The following KCNH7 variants were observed in gnomAD, a reference collection of about 807,000 sequenced individuals.
KCNH7 encodes the protein voltage-gated inwardly rectifying potassium channel KCNH7.
A neutral mutation model predicts 120.8 loss-of-function variants in KCNH7; 49 were observed. The observed-to-expected ratio is 0.41, with a 90% CI of 0.32 to 0.51. The LOEUF is 0.51. Ranked by LOEUF, KCNH7 falls within the 20% of genes least tolerant of loss-of-function variation. The probability of loss-of-function intolerance (pLI) is 0.38; values close to 1 mark genes in which losing one functional copy is unlikely to be tolerated. For missense variants in KCNH7, 1,097 were observed against 1,446.6 expected (o/e 0.76, Z 3.92); for synonymous variants, 547 against 516.1 (o/e 1.06, Z -0.81).
intron 2 of KCNH7, among the ~76,000 whole-genome samples, chr2:162,725,231 A>C (rs1364545804): frequency 1.3e-5 from 2 of 152,212 alleles, no homozygotes; most frequent in Non-Finnish European, 2.9e-5. Context: ...ATATGCAATT[A>C]ATCATATTCC....
intron 4 of KCNH7, among the ~76,000 whole-genome samples, chr2:162,514,833 A>T (rs1265834059): frequency 1.3e-5 from 2 of 151,772 alleles, no homozygotes; most frequent in South Asian, 4.1e-4. Context: ...GATAAGGTAA[A>T]ATATTATTCA....
At chr2:162,470,504 T>G (rs1296869716) in intron 6 of KCNH7, among the ~76,000 whole-genome samples, 3 of 151,370 alleles carry the variant, frequency 2.0e-5, no homozygotes, top group African/African-American at 7.3e-5. Context: ...GGAGCCCCTC[T>G]GCCGGGCAGC....
At chr2:162,630,369 A>G (rs1307342973) in intron 2 of KCNH7, among the ~76,000 whole-genome samples, 1 of 152,082 alleles carries the variant, frequency 6.6e-6, no homozygotes, top group Non-Finnish European at 1.5e-5. Context: ...TTATCTAGGA[A>G]AAGATATGGA....
intron 2 of KCNH7, among the ~76,000 whole-genome samples, chr2:162,718,147 T>A (rs1333204171): frequency 6.6e-6 from 1 of 151,900 alleles, no homozygotes; most frequent in African/African-American, 2.4e-5. Context: ...GTTGATCTCT[T>A]AACACTTGAC....
At chr2:162,627,848 G>C (rs1269790450) in intron 2 of KCNH7, among the ~76,000 whole-genome samples, 1 of 152,028 alleles carries the variant, frequency 6.6e-6, no homozygotes, top group East Asian at 1.9e-4. Flanking sequence ...TTTTCCTTTA[G>C]CCTAATAGTA....
At chr2:162,417,248 T>C (rs1408409643) in intron 9 of KCNH7, among the ~76,000 whole-genome samples, 1 of 152,176 alleles carries the variant, frequency 6.6e-6, no homozygotes, top group East Asian at 1.9e-4. Context: ...TATTCTAGCA[T>C]TTGAATGAAA....
chr2:162,753,448 C>G (rs764052856), intron 2 of KCNH7, among the ~76,000 whole-genome samples: 1 of 152,106 alleles, frequency 6.6e-6, no homozygotes, highest in African/African-American at 2.4e-5. Flanking sequence ...CATTCAGATG[C>G]CTGCTCCCTG....
At chr2:162,564,798 T>A (rs1046439701) in intron 2 of KCNH7, among the ~76,000 whole-genome samples, 5 of 152,146 alleles carry the variant, frequency 3.3e-5, no homozygotes, top group Non-Finnish European at 5.9e-5. Context: ...TTCTGTTCAC[T>A]TTTAGCATAT....
At chr2:162,504,369 G>A in intron 6 of KCNH7, 74 bp downstream of exon 6, 5 of 1,138,294 alleles carry the variant, frequency 4.4e-6, no homozygotes, top group East Asian at 2.4e-5. Context: ...TCATTTATAA[G>A]AAAAAGAATA....
intron 6 of KCNH7, among the ~76,000 whole-genome samples, chr2:162,483,988 A>G (rs1258044695): frequency 6.6e-6 from 1 of 152,176 alleles, no homozygotes. Context: ...CCAAGTGGAA[A>G]GAGCACTGGA....
At chr2:162,626,273 A>AGCTG (rs1233056540) in intron 2 of KCNH7, among the ~76,000 whole-genome samples, 1 of 152,166 alleles carries the variant, frequency 6.6e-6, no homozygotes, top group Non-Finnish European at 1.5e-5. Context: ...ACCTACTGAA[A>AGCTG]GCTGGCATAT....
chr2:162,541,227 T>C (rs1379607712), intron 2 of KCNH7, among the ~76,000 whole-genome samples: 1 of 152,008 alleles, frequency 6.6e-6, no homozygotes, highest in African/African-American at 2.4e-5. Flanking sequence ...GATACAAATT[T>C]GGGAACAATT....
intron 2 of KCNH7, among the ~76,000 whole-genome samples, chr2:162,654,903 T>G (rs1265528451): frequency 6.6e-6 from 1 of 152,146 alleles, no homozygotes; most frequent in Non-Finnish European, 1.5e-5. Context: ...TTACATGGTC[T>G]CAATTATGTG....
chr2:162,461,124 G>A (rs962080414), intron 6 of KCNH7, among the ~76,000 whole-genome samples: 3 of 152,092 alleles, frequency 2.0e-5, no homozygotes, highest in Non-Finnish European at 2.9e-5. Context: ...GAAGAACACA[G>A]GAAGGACAAA....
intron 4 of KCNH7, among the ~76,000 whole-genome samples, chr2:162,513,287 CTCCTTCCTTCCCTCCTTCCCTCCT>C (rs1691152294): frequency 8.2e-6 from 1 of 121,952 alleles, no homozygotes; most frequent in Non-Finnish European, 1.7e-5. Context: ...CCCTCCTTCC[CTCCTTCCTTCCCTCCTTCCCTCCT>C]TCCTTCTTTC....
At chr2:162,621,952 G>C (rs1683377937) in intron 2 of KCNH7, among the ~76,000 whole-genome samples, 1 of 152,074 alleles carries the variant, frequency 6.6e-6, no homozygotes, top group Admixed American at 6.6e-5. Context: ...TTCTATTAAA[G>C]GGTAGTTTCC....
At position 162,518,145 on chromosome 2, in the gene KCNH7, C is replaced by A. The variant is rs767930016; in HGVS notation, c.477G>T (p.Gly159=). The A allele has an allele frequency of 8.1e-6, 13 of 1,606,882 alleles. No individual in the cohort carries two copies. The highest frequency in any genetic ancestry group is 2.2e-5 in the South Asian group (2 of 90,484). The change falls in exon 4 of 16, where the codon GGG becomes GGT. Residue 159 remains glycine (G), a synonymous_variant. Transcript: ENST00000332142. ...GAACTCTCAGACCAGGGAATTTGAA[C>A]CCAAAAAATTTCCCTATAAATGGAG... is the stretch of plus-strand genomic sequence containing the variant. ...PIKTVNRKFF[G]FKFPGLRVLT...
At chr2:162,479,519 A>G (rs553824965) in intron 6 of KCNH7, among the ~76,000 whole-genome samples, 1 of 152,294 alleles carries the variant, frequency 6.6e-6, no homozygotes, top group Non-Finnish European at 1.5e-5. Context: ...TCCTAAATAT[A>G]TATTTTGGTT....
At chr2:162,564,768 C>T (rs965461554) in intron 2 of KCNH7, among the ~76,000 whole-genome samples, 6 of 152,098 alleles carry the variant, frequency 3.9e-5, no homozygotes, top group East Asian at 1.9e-4. Context: ...CTCTAAAGTT[C>T]ATTAAAGGCT....
Sources: gnomAD v4.1 joint callset for allele counts (sites outside exome capture counted in the v4.1 genomes callset) on GRCh38, gnomAD v4.1.1 for gene constraint, MANE v1.5 for transcripts, NCBI Gene and HGNC (gene_info 2026-07-23, HGNC 2026-07-21) for gene names.